The following RCAN1 variants were observed in gnomAD, a reference collection of about 807,000 sequenced individuals.
RCAN1 encodes regulator of calcineurin 1, also known as calcipressin-1.
Under a neutral mutation model 22.9 loss-of-function variants are expected in RCAN1, and 11 were observed. The observed-to-expected ratio is 0.48, with a 90% CI of 0.30 to 0.79. The LOEUF (loss-of-function observed/expected upper bound fraction) is 0.79, where lower values mean the gene tolerates loss of function less well. Ranked by LOEUF, RCAN1 falls within the 30% of genes least tolerant of loss-of-function variation. The pLI is 0.06. For synonymous variants in RCAN1, 136 were observed against 142.3 expected (o/e 0.96, Z 0.32); for missense variants, 291 against 337.8 (o/e 0.86, Z 1.09).
chr21:34,560,200 A>C (rs574516634), intron 1 of RCAN1: 1 of 152,352 alleles, frequency 6.6e-6, no homozygotes, highest in East Asian at 1.9e-4. Context: ...AGCCTGGTTT[A>C]GTCTGACGGG....
At chr21:34,613,838 TA>T in intron 1 of RCAN1, 1 of 1,475,912 alleles carries the variant, frequency 6.8e-7, no homozygotes, top group African/African-American at 1.4e-5. Context: ...CCTTCAACTA[TA>T]GTTCATTGAC....
At chr21:34,538,929 G>C (rs376560532) in intron 1 of RCAN1, among the ~76,000 whole-genome samples, 5 of 152,162 alleles carry the variant, frequency 3.3e-5, no homozygotes, top group South Asian at 4.1e-4. Context: ...GAATTAGAAG[G>C]CTCCAGACTT....
chr21:34,590,315 G>T (rs559929975), intron 1 of RCAN1, among the ~76,000 whole-genome samples: 1 of 152,356 alleles, frequency 6.6e-6, no homozygotes, highest in Non-Finnish European at 1.5e-5. Flanking sequence ...CCATGAAAAT[G>T]TGCACTCCAC....
intron 1 of RCAN1, among the ~76,000 whole-genome samples, chr21:34,528,091 A>G (rs983108670): frequency 1.2e-4 from 18 of 152,210 alleles, no homozygotes; most frequent in Admixed American, 3.3e-4. Flanking sequence ...ATCACCTAAA[A>G]GCACTCAAGT....
chr21:34,559,855 C>T (rs893874464), intron 1 of RCAN1: 1 of 152,124 alleles, frequency 6.6e-6, no homozygotes, highest in Non-Finnish European at 1.5e-5. Flanking sequence ...ACATTCCTGC[C>T]CTGTGATTCT....
intron 1 of RCAN1, among the ~76,000 whole-genome samples, chr21:34,575,162 G>A (rs1268846764): frequency 1.3e-5 from 2 of 152,212 alleles, no homozygotes; most frequent in East Asian, 1.9e-4. Context: ...GTTTCTCAGA[G>A]GATGTGGTCA....
intron 1 of RCAN1, among the ~76,000 whole-genome samples, chr21:34,549,920 C>T (rs62214576): frequency 0.24 from 36,627 of 151,938 alleles, 5,143 homozygotes; most frequent in African/African-American, 0.39. Context: ...AACACAGACC[C>T]AGGTGAAGTT....
In RCAN1 at chr21:34,614,276, A is replaced by C. The variant is rs147846958; in HGVS notation, c.252+484T>G. On this transcript the variant is annotated intron_variant, in intron 1 of 3. Transcript: ENST00000313806. The surrounding 1 kb of genome is among the most constrained non-coding windows in gnomAD (Gnocchi z 6.0). ...GGCTAATGAGCAACCACGGATCCTC[A>C]CCCAAACATTGGCTTTTCTTCCAAT... The C allele has an allele frequency of 2.4e-3, 2,358 of 993,388 alleles. 5 individuals carry two copies. The highest frequency in any genetic ancestry group is 2.7e-3 in the Non-Finnish European group (2,280 of 835,606). 61.5% of individuals were successfully genotyped at this position (993,388 alleles called of 1,614,324 possible).
At chr21:34,546,360 C>T (rs1986137242) in intron 1 of RCAN1, among the ~76,000 whole-genome samples, 1 of 151,154 alleles carries the variant, frequency 6.6e-6, no homozygotes, top group South Asian at 2.1e-4. Context: ...CATTTGTTGG[C>T]AGTTACTTAT....
At chr21:34,601,578 G>A (rs1988343749) in intron 1 of RCAN1, among the ~76,000 whole-genome samples, 2 of 152,176 alleles carry the variant, frequency 1.3e-5, no homozygotes, top group African/African-American at 2.4e-5. Context: ...CAGCACTTTG[G>A]GAGGCCAAGG....
At chr21:34,586,931 G>C (rs965886375) in intron 1 of RCAN1, among the ~76,000 whole-genome samples, 3 of 151,812 alleles carry the variant, frequency 2.0e-5, no homozygotes, top group Non-Finnish European at 2.9e-5. Flanking sequence ...TCCAGCCTGA[G>C]CAACAAGAGT....
At chr21:34,525,175 T>A in intron 1 of RCAN1, 1 of 1,550,622 alleles carries the variant, frequency 6.4e-7, no homozygotes, top group Admixed American at 2.0e-5. Context: ...GAATGTTCAC[T>A]GCTAGCAAGC....
intron 1 of RCAN1, among the ~76,000 whole-genome samples, chr21:34,533,106 G>A (rs866036398): frequency 2.6e-4 from 39 of 151,620 alleles, no homozygotes; most frequent in East Asian, 7.8e-4. Flanking sequence ...GACTACAGGT[G>A]CCCGCCACCA....
At chr21:34,519,457 G>C (rs1315571708) in intron 3 of RCAN1, among the ~76,000 whole-genome samples, 1 of 133,258 alleles carries the variant, frequency 7.5e-6, no homozygotes, top group African/African-American at 2.8e-5. Context: ...GGAATGCAGT[G>C]ACAAGATCTC....
intron 1 of RCAN1, chr21:34,525,415 C>G (rs1214217090): frequency 7.0e-7 from 1 of 1,422,642 alleles, no homozygotes; most frequent in Non-Finnish European, 9.2e-7. Context: ...TAGAGTTCAT[C>G]TGGCCGCCTC....
chr21:34,603,248 A>G (rs1988415227), intron 1 of RCAN1, among the ~76,000 whole-genome samples: 1 of 152,098 alleles, frequency 6.6e-6, no homozygotes. Context: ...TGGTCTTTGA[A>G]CAGCATTGGA....
At chr21:34,586,654 A>C (rs954839519) in intron 1 of RCAN1, among the ~76,000 whole-genome samples, 1 of 152,212 alleles carries the variant, frequency 6.6e-6, no homozygotes, top group African/African-American at 2.4e-5. Flanking sequence ...GAGATTAAAG[A>C]AAGTAGAAGG....
chr21:34,571,805 C>T (rs572092061), intron 1 of RCAN1, among the ~76,000 whole-genome samples: 1 of 152,252 alleles, frequency 6.6e-6, no homozygotes, highest in East Asian at 1.9e-4. Flanking sequence ...GCCTCGGCCT[C>T]CCAAAGTGCT....
At chr21:34,578,217 C>T (rs1319614643) in intron 1 of RCAN1, among the ~76,000 whole-genome samples, 1 of 152,182 alleles carries the variant, frequency 6.6e-6, no homozygotes, top group Non-Finnish European at 1.5e-5. Flanking sequence ...TCTCTGAGAG[C>T]TTACCTTATG....
Sources: allele counts gnomAD v4.1 joint callset (sites outside exome capture counted in the v4.1 genomes callset), GRCh38; gene constraint gnomAD v4.1.1; non-coding constraint Gnocchi (gnomAD v3.1); transcripts MANE v1.5; gene names NCBI Gene and HGNC (gene_info 2026-07-23, HGNC 2026-07-21).